SGCZ: variants seen among roughly 807,000 people sequenced by gnomAD.
SGCZ encodes zeta-sarcoglycan.
SGCZ carries 40 observed loss-of-function variants against 41.3 expected under a neutral mutation model. That is an observed-to-expected ratio of 0.97 (90% CI 0.75 to 1.26). SGCZ has a LOEUF of 1.26. Ranked by LOEUF, SGCZ falls within the 50% of genes most tolerant of loss-of-function variation. The pLI is 0.00. For missense variants in SGCZ, 552 were observed against 369.8 expected (o/e 1.49, Z -4.04); for synonymous variants, 206 against 137.5 (o/e 1.50, Z -3.49).
intron 1 of SGCZ, among the ~76,000 whole-genome samples, chr8:14,948,314 T>C (rs1563383776): frequency 6.6e-6 from 1 of 152,146 alleles, no homozygotes; most frequent in Non-Finnish European, 1.5e-5. Flanking sequence ...TCTCCTAATA[T>C]ACTGGCCATA....
Position 14,612,366 on chromosome 8 carries a change from A to G in SGCZ, c.40-57440T>C, listed in dbSNP as rs547705940. 6.6e-5 allele frequency among the ~76,000 whole-genome samples: 10 copies of G among 152,228 alleles called. No homozygotes were observed. In the South Asian group the frequency reaches 2.1e-3, roughly 32 times the overall value. ...CCTCTCATTCTCCGGCTCCCTTATGAAAAAGGTGTTTGCTTCCCCTTCACC... is the reference window on the plus strand; with the variant it reads ...CCTCTCATTCTCCGGCTCCCTTATGGAAAAGGTGTTTGCTTCCCCTTCACC... On this transcript the variant is annotated intron_variant, in intron 1 of 7. Transcript: ENST00000382080.
In SGCZ at chr8:14,314,436, T is replaced by C. The variant is rs561609774; in HGVS notation, c.336+9667A>G. Among the ~76,000 whole-genome samples the C allele has an allele frequency of 3.3e-5, 5 of 152,312 alleles. No homozygotes were observed. In the South Asian group the frequency reaches 8.3e-4, roughly 25 times the overall value. ...AAAGATATTTGTAGAGTGTGAATTG[T>C]CAGAAAACAATGAATCAGCATTGAA... On this transcript the variant is annotated intron_variant, in intron 3 of 7. Transcript: ENST00000382080.
At chr8:14,444,363 G>A (rs1186901865) in intron 2 of SGCZ, among the ~76,000 whole-genome samples, 14 of 152,116 alleles carry the variant, frequency 9.2e-5, no homozygotes, top group South Asian at 4.2e-4. Context: ...ACATGCACAC[G>A]TATGTTTATT....
chr8:15,191,516 A>C (rs1800535839), intron 1 of SGCZ, among the ~76,000 whole-genome samples: 1 of 152,060 alleles, frequency 6.6e-6, no homozygotes, highest in Non-Finnish European at 1.5e-5. Context: ...TATTATTTTA[A>C]ACCCATCATG....
intron 1 of SGCZ, among the ~76,000 whole-genome samples, chr8:14,784,913 A>AAAATATATAT (rs1408574493): frequency 3.4e-5 from 3 of 88,038 alleles, no homozygotes; most frequent in African/African-American, 9.4e-5. Flanking sequence ...AAAAAAAAAA[A>AAAATATATAT]ATATATATAT....
At chr8:14,494,329 G>A (rs539401062) in intron 2 of SGCZ, among the ~76,000 whole-genome samples, 1 of 152,260 alleles carries the variant, frequency 6.6e-6, no homozygotes, top group East Asian at 1.9e-4. Context: ...GACCTGCATA[G>A]GGTGGCTCAG....
At chr8:15,017,382 A>G (rs942975026) in intron 1 of SGCZ, among the ~76,000 whole-genome samples, 1 of 152,240 alleles carries the variant, frequency 6.6e-6, no homozygotes, top group Non-Finnish European at 1.5e-5. Context: ...CCTGATCCAC[A>G]GTGGACCTTG....
rs1296613880 is a variant in SGCZ, at chr8:14,688,131, C to G, written c.40-133205G>C. Among the ~76,000 whole-genome samples the G allele has an allele frequency of 4.6e-5, 7 of 152,066 alleles. No individual in the cohort carries two copies. The South Asian group carries it at 1.0e-3, about 23-fold the overall frequency. On this transcript the variant is annotated intron_variant, in intron 1 of 7. Coordinates refer to ENST00000382080, the MANE Select transcript of SGCZ (RefSeq NM_139167.4). ...ATGAGTAGGTTGCGAAAATTTTCTC[C>G]CATTTTGTAGGTTGCCTGTTCACTC...
intron 1 of SGCZ, among the ~76,000 whole-genome samples, chr8:14,826,269 T>A (rs917416949): frequency 1.7e-4 from 26 of 152,274 alleles, no homozygotes; most frequent in African/African-American, 5.3e-4. Context: ...GAACTCTTCA[T>A]TTTTTATGGC....
At chr8:15,181,761 T>C (rs1800187293) in intron 1 of SGCZ, among the ~76,000 whole-genome samples, 1 of 152,214 alleles carries the variant, frequency 6.6e-6, no homozygotes, top group Admixed American at 6.5e-5. Context: ...TACATTTGTG[T>C]TTCTGTCTGT....
At chr8:14,454,420 GAT>G (rs1245517931) in intron 2 of SGCZ, among the ~76,000 whole-genome samples, 1 of 152,090 alleles carries the variant, frequency 6.6e-6, no homozygotes, top group Admixed American at 6.5e-5. Context: ...GAAAATATTT[GAT>G]AGTCATTTCT....
At chr8:14,093,553 C>A (rs538934675) in intron 7 of SGCZ, among the ~76,000 whole-genome samples, 1 of 152,032 alleles carries the variant, frequency 6.6e-6, no homozygotes, top group East Asian at 1.9e-4. Context: ...TTCCTCAAAC[C>A]GAAATACTTT....
At position 14,270,311 on chromosome 8, in the gene SGCZ, A is replaced by T. The variant is rs530715698; in HGVS notation, c.337-32632T>A. On this transcript the variant is annotated intron_variant, in intron 3 of 7. Coordinates refer to ENST00000382080, the MANE Select transcript of SGCZ (RefSeq NM_139167.4). ...CATGCCACTGCACTCCTGCCTGGGT[A>T]ACAGAGTAAAACTCCGTCTCAAAAA... 1.6e-4 allele frequency among the ~76,000 whole-genome samples: 25 copies of T among 152,276 alleles called. No homozygotes were observed. In the South Asian group the frequency reaches 4.8e-3, roughly 29 times the overall value.
intron 2 of SGCZ, among the ~76,000 whole-genome samples, chr8:14,515,471 C>T (rs1312286033): frequency 7.2e-5 from 11 of 152,174 alleles, no homozygotes; most frequent in Non-Finnish European, 1.2e-4. Flanking sequence ...AACACTATAT[C>T]TTTATTATTC....
chr8:15,066,104 C>T (rs530200100), intron 1 of SGCZ, among the ~76,000 whole-genome samples: 1 of 151,330 alleles, frequency 6.6e-6, no homozygotes, highest in South Asian at 2.1e-4. Context: ...GTCAGGAGAT[C>T]GAGACCATCC....
At chr8:14,738,788 G>C (rs17120176) in intron 1 of SGCZ, among the ~76,000 whole-genome samples, 7,870 of 148,106 alleles carry the variant, frequency 0.053, 405 homozygotes, top group African/African-American at 0.14. Flanking sequence ...TAACTATGCC[G>C]TTGATATTGT....
intron 1 of SGCZ, among the ~76,000 whole-genome samples, chr8:14,799,207 T>G (rs1456376899): frequency 1.3e-5 from 2 of 152,152 alleles, no homozygotes; most frequent in Non-Finnish European, 2.9e-5. Flanking sequence ...TCCATTTATT[T>G]CTTCATCATA....
intron 5 of SGCZ, among the ~76,000 whole-genome samples, chr8:14,116,908 C>A (rs1055646506): frequency 4.6e-5 from 7 of 152,038 alleles, no homozygotes; most frequent in Non-Finnish European, 1.0e-4. Context: ...ACTGTGAACA[C>A]TGTATATTTT....
At chr8:14,144,972 C>T (rs779301363) in intron 5 of SGCZ, among the ~76,000 whole-genome samples, 21 of 152,148 alleles carry the variant, frequency 1.4e-4, no homozygotes, top group Admixed American at 3.3e-4. Flanking sequence ...TAAAATAGAA[C>T]ACCAGGTAGA....
Sources: allele counts gnomAD v4.1 joint callset (sites outside exome capture counted in the v4.1 genomes callset), GRCh38; gene constraint gnomAD v4.1.1; transcripts MANE v1.5; gene names NCBI Gene and HGNC (gene_info 2026-07-23, HGNC 2026-07-21).